The following SOX5 variants were observed in gnomAD, a reference collection of about 807,000 sequenced individuals.
The protein encoded by SOX5 is SRY-box transcription factor 5.
Under a neutral mutation model 92.0 loss-of-function variants are expected in SOX5, and 9 were observed. That is an observed-to-expected ratio of 0.10 (90% confidence interval 0.06 to 0.17). The LOEUF is 0.17. Ranked by LOEUF, SOX5 falls within the 10% of genes least tolerant of loss-of-function variation. The pLI is 1.00. For missense variants in SOX5, 642 were observed against 944.5 expected (o/e 0.68, Z 4.20); for synonymous variants, 344 against 336.3 (o/e 1.02, Z -0.25).
chr12:24,296,477 A>G (rs1282358245), intron 2 of SOX5, among the ~76,000 whole-genome samples: 1 of 152,210 alleles, frequency 6.6e-6, no homozygotes, highest in Non-Finnish European at 1.5e-5. Context: ...GTTCACAAAA[A>G]TCAGGTCCTA....
intron 1 of SOX5, among the ~76,000 whole-genome samples, chr12:24,537,083 T>C (rs996063113): frequency 8.5e-5 from 13 of 152,210 alleles, no homozygotes; most frequent in Admixed American, 2.0e-4. Context: ...ACTGAATTCA[T>C]ATCTCTGGAG....
chr12:23,774,375 C>T (rs2095034172), intron 3 of SOX5, among the ~76,000 whole-genome samples: 1 of 152,156 alleles, frequency 6.6e-6, no homozygotes, highest in African/African-American at 2.4e-5. Flanking sequence ...TTGTAAGTGG[C>T]ACTAGCCAGA....
chr12:23,705,897 C>A (rs1021982052), intron 6 of SOX5, among the ~76,000 whole-genome samples: 10 of 152,064 alleles, frequency 6.6e-5, no homozygotes, highest in African/African-American at 2.4e-4. Context: ...CCCACTGCTA[C>A]TTTTCTCTTG....
intron 3 of SOX5, among the ~76,000 whole-genome samples, chr12:23,770,451 G>A (rs2094896028): frequency 1.3e-5 from 2 of 152,120 alleles, no homozygotes; most frequent in South Asian, 4.1e-4. Flanking sequence ...CTGTGTGTGT[G>A]ATTTCATAAA....
intron 1 of SOX5, among the ~76,000 whole-genome samples, chr12:24,476,629 C>T (rs1002822129): frequency 6.6e-6 from 1 of 150,968 alleles, no homozygotes; most frequent in African/African-American, 2.4e-5. Context: ...CAGCCCAGGC[C>T]CCCACGGCAC....
intron 9 of SOX5, among the ~76,000 whole-genome samples, chr12:23,602,886 G>A (rs2074690493): frequency 6.6e-6 from 1 of 152,002 alleles, no homozygotes; most frequent in South Asian, 2.1e-4. Flanking sequence ...ATGCTGTTGT[G>A]ATTATAAAGA....
chr12:24,232,509 A>G (rs1350619239), intron 3 of SOX5, among the ~76,000 whole-genome samples: 1 of 152,218 alleles, frequency 6.6e-6, no homozygotes, highest in Non-Finnish European at 1.5e-5. Flanking sequence ...TCCTGAGACA[A>G]GGAAGAATCC....
intron 1 of SOX5, among the ~76,000 whole-genome samples, chr12:24,385,926 C>T (rs1446862863): frequency 1.4e-5 from 1 of 73,428 alleles, no homozygotes; most frequent in Admixed American, 1.5e-4. Flanking sequence ...GACCTTGTCA[C>T]AAAAAAAAAA....
chr12:23,679,706 C>A (rs918170084), intron 6 of SOX5, among the ~76,000 whole-genome samples: 2 of 151,950 alleles, frequency 1.3e-5, no homozygotes, highest in Non-Finnish European at 2.9e-5. Context: ...GTAGAATAAC[C>A]CAGTTCAGTA....
Position 23,726,168 on chromosome 12 carries a change from A to C in SOX5, c.810+8516T>G, listed in dbSNP as rs183812111. Among the ~76,000 whole-genome samples, 72 of 83,112 alleles carry C rather than the reference A, an allele frequency of 8.7e-4. 1 individual carries two copies. In the East Asian group the frequency reaches 0.026, roughly 29 times the overall value. The allele number at this position is 83,112 out of a possible 152,430, so 54.5% of individuals were successfully genotyped here. On this transcript the variant is annotated intron_variant, in intron 6 of 14. Coordinates refer to ENST00000451604, the MANE Select transcript of SOX5 (RefSeq NM_006940.6). ...GAGAGAGAGAGAGAGAGAGAGAGAG[A>C]GAGAGAGGTCAGTTTCTCACTGTTT... is the stretch of plus-strand genomic sequence containing the variant.
intron 9 of SOX5, chr12:23,604,140 A>T: frequency 2.5e-6 from 1 of 404,774 alleles, no homozygotes; most frequent in East Asian, 4.0e-5. Context: ...TACCCATCTG[A>T]TAATCTTTTT....
chr12:24,463,459 T>C (rs1328448100), intron 1 of SOX5, among the ~76,000 whole-genome samples: 2 of 152,214 alleles, frequency 1.3e-5, no homozygotes, highest in African/African-American at 2.4e-5. Flanking sequence ...ATGTTGTATT[T>C]ACTTTGGAAA....
At chr12:24,249,632 G>T (rs970265452) in intron 3 of SOX5, among the ~76,000 whole-genome samples, 1 of 152,038 alleles carries the variant, frequency 6.6e-6, no homozygotes, top group Non-Finnish European at 1.5e-5. Flanking sequence ...GTTCACATAC[G>T]TTGCCTCACA....
chr12:24,410,169 T>C (rs1487375637), intron 1 of SOX5, among the ~76,000 whole-genome samples: 1 of 152,144 alleles, frequency 6.6e-6, no homozygotes, highest in Non-Finnish European at 1.5e-5. Flanking sequence ...GGCTAATTTT[T>C]GTATTTTTTG....
chr12:23,866,393 C>G (rs769803187), intron 2 of SOX5, among the ~76,000 whole-genome samples: 1 of 151,990 alleles, frequency 6.6e-6, no homozygotes, highest in Non-Finnish European at 1.5e-5. Context: ...GTTAGTAATG[C>G]GAAAGTGCCC....
chr12:24,203,209 G>A (rs1048685024), intron 4 of SOX5, among the ~76,000 whole-genome samples: 2 of 152,092 alleles, frequency 1.3e-5, no homozygotes, highest in Non-Finnish European at 1.5e-5. Context: ...CAAATGTCCC[G>A]AATTTGGAAA....
At chr12:23,853,557 T>G (rs2096656670) in intron 2 of SOX5, among the ~76,000 whole-genome samples, 1 of 151,800 alleles carries the variant, frequency 6.6e-6, no homozygotes, top group Non-Finnish European at 1.5e-5. Context: ...TTTTTTTTTT[T>G]TTTTACCCCA....
chr12:23,816,555 G>A (rs368519345), intron 3 of SOX5, among the ~76,000 whole-genome samples: 17 of 152,128 alleles, frequency 1.1e-4, no homozygotes, highest in African/African-American at 4.1e-4. Flanking sequence ...GAAAATTCCT[G>A]GTAGAGGGGA....
intron 4 of SOX5, among the ~76,000 whole-genome samples, chr12:24,043,910 T>C (rs1449695177): frequency 6.6e-6 from 1 of 152,216 alleles, no homozygotes; most frequent in Admixed American, 6.5e-5. Context: ...TCACGTATCA[T>C]AATTTTCAAT....
Sources: gnomAD v4.1 joint callset for allele counts (sites outside exome capture counted in the v4.1 genomes callset) on GRCh38, gnomAD v4.1.1 for gene constraint, MANE v1.5 for transcripts, NCBI Gene and HGNC (gene_info 2026-07-23, HGNC 2026-07-21) for gene names.